The following MTMR7 variants were observed in gnomAD, a reference collection of about 807,000 sequenced individuals.
MTMR7 encodes phosphatidylinositol-3-phosphate phosphatase MTMR7.
A neutral mutation model predicts 81.2 loss-of-function variants in MTMR7; 76 were observed. The observed-to-expected ratio is 0.94, with a 90% CI of 0.78 to 1.13. MTMR7 has a LOEUF of 1.13. Among genes scored for constraint, MTMR7 ranks in the 50% most tolerant of loss-of-function variants. MTMR7 has a pLI of 0.00. For missense variants in MTMR7, 1,044 were observed against 820.0 expected (o/e 1.27, Z -3.34); for synonymous variants, 372 against 289.8 (o/e 1.28, Z -2.88).
At chr8:17,350,849 G>T (rs1321826126) in intron 4 of MTMR7, among the ~76,000 whole-genome samples, 4 of 152,196 alleles carry the variant, frequency 2.6e-5, no homozygotes, top group Admixed American at 2.6e-4. Context: ...TAATTTCAGG[G>T]TTCTACCAGA....
At chr8:17,329,661 G>T (rs886960403) in intron 7 of MTMR7, among the ~76,000 whole-genome samples, 2 of 152,142 alleles carry the variant, frequency 1.3e-5, no homozygotes, top group Non-Finnish European at 2.9e-5. Flanking sequence ...TAACTTAAGG[G>T]TCCTGATAAA....
At chr8:17,341,147 G>A (rs1047613817) in intron 6 of MTMR7, among the ~76,000 whole-genome samples, 2 of 152,354 alleles carry the variant, frequency 1.3e-5, no homozygotes, top group Admixed American at 1.3e-4. Flanking sequence ...GCTAGGGGCA[G>A]GGGAAATATG....
At chr8:17,361,588 A>G (rs1013042245) in intron 3 of MTMR7, among the ~76,000 whole-genome samples, 2 of 152,246 alleles carry the variant, frequency 1.3e-5, no homozygotes, top group African/African-American at 4.8e-5. Flanking sequence ...CACATCAAAT[A>G]TGGAACATAA....
chr8:17,337,780 T>G (rs977667253), intron 6 of MTMR7, among the ~76,000 whole-genome samples: 1 of 152,128 alleles, frequency 6.6e-6, no homozygotes, highest in Non-Finnish European at 1.5e-5. Context: ...CACATCCAGC[T>G]CATTTTTTTC....
At chr8:17,353,371 T>C (rs1193748400) in intron 4 of MTMR7, among the ~76,000 whole-genome samples, 1 of 152,122 alleles carries the variant, frequency 6.6e-6, no homozygotes. Flanking sequence ...AGTACAAGAA[T>C]GTCAATCTAC....
chr8:17,367,624 C>G (rs1420707846), intron 3 of MTMR7, among the ~76,000 whole-genome samples: 1 of 152,168 alleles, frequency 6.6e-6, no homozygotes, highest in Non-Finnish European at 1.5e-5. Flanking sequence ...AAAAGCAAAC[C>G]AATAAAGTCT....
chr8:17,371,074 G>A lies in MTMR7; in HGVS notation c.273C>T (p.His91=), dbSNP rs375736882. Residue 91 remains histidine (H), a synonymous_variant, in exon 3 of 14, where the codon CAC becomes CAT. Transcript: ENST00000180173. ...GGCGTATCAGGGAGATGTACACGTCGTGGCAATCTCTTTCCTGAGGTATGA... is the reference window on the plus strand; with the variant it reads ...GGCGTATCAGGGAGATGTACACGTCATGGCAATCTCTTTCCTGAGGTATGA... ...QLIIPQERDC[H]DVYISLIRLA... 78 of 1,614,040 alleles carry A rather than the reference G, an allele frequency of 4.8e-5. No homozygotes were observed. Among genetic ancestry groups the A allele is most frequent in the Middle Eastern group, 3.3e-4 (2 of 6,060 alleles).
chr8:17,311,431 A>C, intron 9 of MTMR7, 80 bp downstream of exon 9: 1 of 1,573,024 alleles, frequency 6.4e-7, no homozygotes, highest in Non-Finnish European at 8.7e-7. Context: ...AGAAAACAGC[A>C]GTTGCCAGTA....
chr8:17,348,434 C>A (rs1819627936), intron 5 of MTMR7, among the ~76,000 whole-genome samples: 2 of 151,358 alleles, frequency 1.3e-5, no homozygotes, highest in African/African-American at 4.9e-5. Context: ...CCTGTAATCC[C>A]AGCTACAAAA....
At chr8:17,335,311 G>A (rs912114013) in intron 6 of MTMR7, among the ~76,000 whole-genome samples, 4 of 152,114 alleles carry the variant, frequency 2.6e-5, no homozygotes, top group East Asian at 3.9e-4. Flanking sequence ...TTTACTGACC[G>A]GCTGAGCAAC....
At chr8:17,410,726 G>C (rs1017833887) in intron 1 of MTMR7, among the ~76,000 whole-genome samples, 13 of 152,204 alleles carry the variant, frequency 8.5e-5, no homozygotes, top group African/African-American at 3.1e-4. Context: ...ACGTGCATCT[G>C]TCTCCTTAAA....
At chr8:17,392,768 G>C (rs1821144292) in intron 1 of MTMR7, among the ~76,000 whole-genome samples, 1 of 152,246 alleles carries the variant, frequency 6.6e-6, no homozygotes, top group South Asian at 2.1e-4. Flanking sequence ...AAAAAATATT[G>C]AAACTCATTG....
chr8:17,398,645 G>A (rs1011627372), intron 1 of MTMR7, among the ~76,000 whole-genome samples: 6 of 152,100 alleles, frequency 3.9e-5, no homozygotes, highest in Admixed American at 6.6e-5. Context: ...TATTCAAAGC[G>A]ATAACCACAA....
intron 3 of MTMR7, among the ~76,000 whole-genome samples, chr8:17,370,016 G>A (rs1217410675): frequency 6.6e-6 from 1 of 152,052 alleles, no homozygotes; most frequent in African/African-American, 2.4e-5. Flanking sequence ...AAACACTTCT[G>A]TAGAAGCGAA....
Position 17,299,888 on chromosome 8 carries a change from C to T in MTMR7, c.1957G>A (p.Asp653Asn). 6.2e-7 allele frequency: 1 copy of T among 1,614,082 alleles called. No homozygotes were observed. Among genetic ancestry groups the T allele is most frequent in the Non-Finnish European group, 8.5e-7 (1 of 1,179,972 alleles). ...CAGGCAGTGAGAAACACGGCTTCAT[C>T]AGAATCCCGGTCCTTGCCACTATCT... Reference protein sequence around the residue: ...SEDSGKDRDSDEAVFLTA With the variant: ...SEDSGKDRDSNEAVFLTA The change falls in exon 14 of 14, where the codon GAT becomes AAT. Residue 653 changes from aspartate to asparagine, a missense_variant. Physicochemically the swap from Asp to Asn is conservative, Grantham distance 23. Transcript: ENST00000180173.
intron 7 of MTMR7, among the ~76,000 whole-genome samples, chr8:17,318,161 G>A (rs1818196287): frequency 6.6e-6 from 1 of 152,144 alleles, no homozygotes; most frequent in Non-Finnish European, 1.5e-5. Context: ...CTGAGATGCT[G>A]AAACCCTGGG....
intron 3 of MTMR7, among the ~76,000 whole-genome samples, chr8:17,364,465 G>A (rs886992819): frequency 3.9e-5 from 6 of 152,190 alleles, no homozygotes; most frequent in Admixed American, 2.0e-4. Flanking sequence ...GTTTCGAAAT[G>A]TACACTACTG....
At chr8:17,358,199 A>G (rs562625028) in intron 4 of MTMR7, among the ~76,000 whole-genome samples, 1 of 152,336 alleles carries the variant, frequency 6.6e-6, no homozygotes, top group East Asian at 1.9e-4. Context: ...TTACATAAGA[A>G]GGTTAAAAAG....
At chr8:17,304,311 C>G in intron 12 of MTMR7, 68 bp downstream of exon 12, 1 of 1,552,288 alleles carries the variant, frequency 6.4e-7, no homozygotes, top group Non-Finnish European at 8.8e-7. Context: ...ACTTTGACCT[C>G]TGAATGTTAA....
Sources: allele counts gnomAD v4.1 joint callset (sites outside exome capture counted in the v4.1 genomes callset), GRCh38; gene constraint gnomAD v4.1.1; transcripts MANE v1.5; gene names NCBI Gene and HGNC (gene_info 2026-07-23, HGNC 2026-07-21).